SLC4A10: variants seen among roughly 807,000 people sequenced by gnomAD.
The protein encoded by SLC4A10 is solute carrier family 4 member 10, also known as sodium-driven chloride bicarbonate exchanger.
SLC4A10 carries 42 observed loss-of-function variants against 137.7 expected under a neutral mutation model. The ratio of observed to expected loss-of-function variants is 0.30; its 90% CI spans 0.24 to 0.39. The LOEUF is 0.39. Among genes scored for constraint, SLC4A10 ranks in the 10% least tolerant of loss-of-function variants. The pLI, the probability that SLC4A10 is intolerant of heterozygous loss-of-function variation, is 1.00. For missense variants in SLC4A10, 925 were observed against 1,355.0 expected, an observed-to-expected ratio of 0.68 and a Z score of 4.98; for synonymous variants, 474 against 464.1, an observed-to-expected ratio of 1.02 and a Z score of -0.27.
chr2:161,905,131 G>A (rs1227650153), intron 14 of SLC4A10, among the ~76,000 whole-genome samples: 2 of 152,068 alleles, frequency 1.3e-5, no homozygotes, highest in African/African-American at 4.8e-5. Flanking sequence ...TATAAGCATC[G>A]ATAAATCCCT....
chr2:161,811,353 T>C (rs1324870796), intron 3 of SLC4A10, among the ~76,000 whole-genome samples: 2 of 152,040 alleles, frequency 1.3e-5, no homozygotes. Flanking sequence ...TGCATCTCAA[T>C]TTCTTTCAGT....
chr2:161,851,604 G>T (rs994035872), intron 4 of SLC4A10, among the ~76,000 whole-genome samples: 5 of 152,060 alleles, frequency 3.3e-5, no homozygotes, highest in Non-Finnish European at 7.4e-5. Flanking sequence ...TAGATGCTTT[G>T]TCACTTATTT....
chr2:161,739,915 G>A (rs921720362), intron 1 of SLC4A10, among the ~76,000 whole-genome samples: 13 of 152,108 alleles, frequency 8.5e-5, no homozygotes, highest in Non-Finnish European at 1.3e-4. Flanking sequence ...GACATGTTCT[G>A]CTTTAATGAA....
chr2:161,969,209 A>G (rs1046360181), intron 23 of SLC4A10, among the ~76,000 whole-genome samples: 1 of 152,178 alleles, frequency 6.6e-6, no homozygotes, highest in Non-Finnish European at 1.5e-5. Context: ...TTCTGGTCTT[A>G]TGGCACTGAG....
intron 1 of SLC4A10, among the ~76,000 whole-genome samples, chr2:161,689,202 T>C (rs183816295): frequency 6.6e-6 from 1 of 152,152 alleles, no homozygotes; most frequent in African/African-American, 2.4e-5. Context: ...ATAAATTTAT[T>C]GTAGCCTAAG....
intron 3 of SLC4A10, among the ~76,000 whole-genome samples, chr2:161,821,238 T>A (rs1313621902): frequency 6.6e-6 from 1 of 152,240 alleles, no homozygotes; most frequent in Non-Finnish European, 1.5e-5. Flanking sequence ...TAATGGTATT[T>A]TTTTGATGTG....
At chr2:161,932,598 C>CCTG (rs1403958051) in intron 15 of SLC4A10, among the ~76,000 whole-genome samples, 1 of 152,074 alleles carries the variant, frequency 6.6e-6, no homozygotes, top group Non-Finnish European at 1.5e-5. Context: ...GACTCAGGAT[C>CCTG]AGATCATGGA....
In SLC4A10 at chr2:161,735,405, T is replaced by A. The variant is rs560387577; in HGVS notation, c.49-35568T>A. ...TAAATTTATTTTTGATAATTAATGT[T>A]TTAATATTTTTACTTATAAATGACT... On this transcript the variant is annotated intron_variant, in intron 1 of 26. Transcript: ENST00000446997. Among the ~76,000 whole-genome samples the A allele has an allele frequency of 6.6e-5, 10 of 152,256 alleles. No individual in the cohort carries two copies. In the East Asian group the frequency reaches 1.9e-3, roughly 29 times the overall value.
chr2:161,894,652 T>C, intron 10 of SLC4A10, 27 bp from the exon 11 acceptor site: 1 of 1,175,526 alleles, frequency 8.5e-7, no homozygotes, highest in Non-Finnish European at 1.1e-6. Context: ...TTTTAAGCTA[T>C]AAATAATATT....
intron 19 of SLC4A10, among the ~76,000 whole-genome samples, chr2:161,955,485 A>G (rs952274163): frequency 1.2e-4 from 18 of 152,174 alleles, no homozygotes; most frequent in African/African-American, 4.3e-4. Context: ...AAATTGTAGT[A>G]TTGCCCCAGT....
intron 1 of SLC4A10, among the ~76,000 whole-genome samples, chr2:161,707,478 T>G (rs1411004658): frequency 6.6e-6 from 1 of 151,248 alleles, no homozygotes; most frequent in Non-Finnish European, 1.5e-5. Context: ...TTTTTTTTGG[T>G]TTGTGTTTTC....
chr2:161,961,605 T>G (rs1696742871), intron 21 of SLC4A10, among the ~76,000 whole-genome samples: 1 of 150,220 alleles, frequency 6.7e-6, no homozygotes, highest in African/African-American at 2.4e-5. Context: ...CATCTGTAAG[T>G]GAAAAGCATT....
At position 161,844,990 on chromosome 2, in the gene SLC4A10, A is replaced by G. The variant is rs1205181310; in HGVS notation, c.416+5063A>G. On this transcript the variant is annotated intron_variant, in intron 4 of 26. Coordinates refer to ENST00000446997, the MANE Select transcript of SLC4A10 (RefSeq NM_001178015.2). ...TAGCATTATCCCTCACATCTCATTC[A>G]TGCTTTGAAACTCTTGTTTGCCTTG... is the stretch of plus-strand genomic sequence containing the variant. Among the ~76,000 whole-genome samples the G allele has an allele frequency of 2.0e-5, 3 of 152,098 alleles. No homozygotes were observed. The East Asian group carries it at 5.8e-4, about 29-fold the overall frequency.
intron 10 of SLC4A10, among the ~76,000 whole-genome samples, chr2:161,890,680 G>A (rs778802981): frequency 6.6e-6 from 1 of 152,126 alleles, no homozygotes; most frequent in Non-Finnish European, 1.5e-5. Context: ...GAGCCTGTGT[G>A]TGTCTTTGCA....
Position 161,877,556 on chromosome 2 carries a change from A to G in SLC4A10, c.949-1575A>G, listed in dbSNP as rs148653302. 2.1e-3 allele frequency among the ~76,000 whole-genome samples: 316 copies of G among 152,160 alleles called. 1 individual carries two copies. Among genetic ancestry groups the G allele is most frequent in the African/African-American group, 7.3e-3 (303 of 41,556 alleles). On this transcript the variant is annotated intron_variant, in intron 8 of 26. Coordinates refer to ENST00000446997, the MANE Select transcript of SLC4A10 (RefSeq NM_001178015.2). Reference sequence around the variant, plus strand: ...TTAAATGTGTACATTTCTCCTAACTAGATAAATACCTACAAAAATACCACA... The same window carrying G: ...TTAAATGTGTACATTTCTCCTAACTGGATAAATACCTACAAAAATACCACA...
At chr2:161,680,748 A>T (rs1350037940) in intron 1 of SLC4A10, among the ~76,000 whole-genome samples, 1 of 152,126 alleles carries the variant, frequency 6.6e-6, no homozygotes, top group Non-Finnish European at 1.5e-5. Context: ...ATGGTATACA[A>T]TGTATTATTT....
At chr2:161,948,010 T>C (rs1694134721) in intron 17 of SLC4A10, among the ~76,000 whole-genome samples, 1 of 152,152 alleles carries the variant, frequency 6.6e-6, no homozygotes, top group Non-Finnish European at 1.5e-5. Flanking sequence ...GTCACTTTTT[T>C]GCCCAGTGAA....
At chr2:161,788,598 C>T (rs1481507238) in intron 2 of SLC4A10, among the ~76,000 whole-genome samples, 1 of 152,072 alleles carries the variant, frequency 6.6e-6, no homozygotes, top group Non-Finnish European at 1.5e-5. Flanking sequence ...TGATCTTCAG[C>T]ATATAGACAT....
chr2:161,742,781 C>T (rs1003525685), intron 1 of SLC4A10, among the ~76,000 whole-genome samples: 1 of 151,956 alleles, frequency 6.6e-6, no homozygotes, highest in Non-Finnish European at 1.5e-5. Context: ...TTTGTTATTG[C>T]CTGTATTTTG....
Sources: gnomAD v4.1 joint callset for allele counts (sites outside exome capture counted in the v4.1 genomes callset) on GRCh38, gnomAD v4.1.1 for gene constraint, MANE v1.5 for transcripts, NCBI Gene and HGNC (gene_info 2026-07-23, HGNC 2026-07-21) for gene names.